The following CLIC5 variants were observed in gnomAD, a reference collection of about 807,000 sequenced individuals.
CLIC5 encodes CLIC family member 5.
A neutral mutation model predicts 24.7 loss-of-function variants in CLIC5; 20 were observed. The observed-to-expected ratio is 0.81, with a 90% CI of 0.57 to 1.18. The LOEUF (loss-of-function observed/expected upper bound fraction) is 1.18, where lower values mean the gene tolerates loss of function less well. Ranked by LOEUF, CLIC5 falls within the 50% of genes most tolerant of loss-of-function variation. The pLI, the probability that CLIC5 is intolerant of heterozygous loss-of-function variation, is 0.00. For missense variants in CLIC5, 341 were observed against 326.1 expected (o/e 1.05, Z -0.35); for synonymous variants, 159 against 135.6 (o/e 1.17, Z -1.20).
chr6:46,031,722 G>A (rs1454631488), intron 1 of CLIC5, among the ~76,000 whole-genome samples: 1 of 151,420 alleles, frequency 6.6e-6, no homozygotes, highest in Non-Finnish European at 1.5e-5. Context: ...GTACATTTTG[G>A]TGCATCCATA....
At chr6:46,002,835 G>C (rs1766410127) in intron 1 of CLIC5, among the ~76,000 whole-genome samples, 1 of 152,152 alleles carries the variant, frequency 6.6e-6, no homozygotes, top group African/African-American at 2.4e-5. Flanking sequence ...GTTGGGATCT[G>C]ACCTTGACCT....
intron 1 of CLIC5, among the ~76,000 whole-genome samples, chr6:45,971,737 C>T (rs547342311): frequency 2.6e-5 from 4 of 152,252 alleles, no homozygotes; most frequent in East Asian, 3.9e-4. Context: ...AACTAGGATT[C>T]GTAGGACAGA....
At chr6:46,080,416 A>G, upstream of CLIC5, 1 of 598,012 alleles carries the variant, frequency 1.7e-6, no homozygotes, top group Non-Finnish European at 3.0e-6. Context: ...AGAGTTTTAT[A>G]AGCAAACCAC....
intron 1 of CLIC5, among the ~76,000 whole-genome samples, chr6:46,079,303 C>T (rs763818242): frequency 3.9e-5 from 6 of 152,302 alleles, no homozygotes; most frequent in South Asian, 4.1e-4. Flanking sequence ...ACCTTAGAAG[C>T]ACAAGAAGGT....
At chr6:45,989,207 G>A (rs1343947138) in intron 1 of CLIC5, among the ~76,000 whole-genome samples, 5 of 152,176 alleles carry the variant, frequency 3.3e-5, no homozygotes, top group Non-Finnish European at 4.4e-5. Flanking sequence ...CCCCACCGAT[G>A]CTTTCCAGGT....
rs1762522282 is a variant in CLIC5 at position 45,901,970 on chromosome 6, G to T, written c.*1118C>A. 1 of 152,640 alleles carries T rather than the reference G, an allele frequency of 6.6e-6. No individual in the cohort carries two copies. Among genetic ancestry groups the T allele is most frequent in the African/African-American group, 2.4e-5 (1 of 41,424 alleles). 9.5% of individuals were successfully genotyped at this position (152,640 alleles called of 1,614,324 possible). ...ACAGTTGAATCAGGCAGGAGCAGCT[G>T]CTGGAGAGCACCCAGCCGACAGACC... On this transcript the variant is annotated 3_prime_UTR_variant, in exon 6 of 6. Coordinates refer to ENST00000339561, the MANE Select transcript of CLIC5 (RefSeq NM_016929.5).
At chr6:46,062,498 C>G (rs1055595081) in intron 1 of CLIC5, among the ~76,000 whole-genome samples, 1 of 152,206 alleles carries the variant, frequency 6.6e-6, no homozygotes, top group Non-Finnish European at 1.5e-5. Context: ...CTCTGACAGG[C>G]CCTGCCCTTC....
upstream of CLIC5, among the ~76,000 whole-genome samples, chr6:46,085,163 T>C (rs1433755954): frequency 6.6e-6 from 1 of 152,236 alleles, no homozygotes; most frequent in African/African-American, 2.4e-5. Context: ...GTTATTCTAG[T>C]TATACATTCT....
At chr6:45,912,417 C>T (rs1762854143) in intron 5 of CLIC5, 1 of 1,131,330 alleles carries the variant, frequency 8.8e-7, no homozygotes, top group South Asian at 2.4e-5. Flanking sequence ...CAGGATGAAG[C>T]CCAAGGCTTG....
chr6:45,980,265 T>C (rs1032544608), intron 1 of CLIC5, among the ~76,000 whole-genome samples: 14 of 152,292 alleles, frequency 9.2e-5, no homozygotes, highest in African/African-American at 3.1e-4. Context: ...TGTGTCTGTT[T>C]TTATGCCAGT....
intron 1 of CLIC5, 82 bp downstream of exon 1, chr6:46,015,398 G>A: frequency 7.3e-7 from 1 of 1,364,802 alleles, no homozygotes. Flanking sequence ...GGAGGGTCCG[G>A]AGTCCAGCGC....
Position 45,943,436 on chromosome 6 carries a change from G to A in CLIC5, c.300-1783C>T, listed in dbSNP as rs867614053. ...CATCTGCTGTGGCTGGGGGCACACA[G>A]CAGGGCTTCCTGCAAGATACTAGGT... On this transcript the variant is annotated intron_variant, in intron 3 of 5. Coordinates refer to ENST00000339561, the MANE Select transcript of CLIC5 (RefSeq NM_016929.5). Among the ~76,000 whole-genome samples the A allele has an allele frequency of 2.7e-4, 41 of 152,226 alleles. 1 individual carries two copies. Among genetic ancestry groups the A allele is most frequent in the African/African-American group, 7.7e-4 (32 of 41,460 alleles).
At position 46,009,998 on chromosome 6, in the gene CLIC5, T is replaced by C. The variant is rs576873128; in HGVS notation, c.63+5482A>G. 2.9e-3 allele frequency among the ~76,000 whole-genome samples: 437 copies of C among 152,230 alleles called. 1 individual carries two copies. Among genetic ancestry groups the C allele is most frequent in the African/African-American group, 9.6e-3 (400 of 41,552 alleles). On this transcript the variant is annotated intron_variant, in intron 1 of 5. Transcript: ENST00000339561. Reference sequence around the variant, plus strand: ...AGCAGTCCAGTCAGAGGCAGTCAGATCCAGTGGTGGTTGCACTGTACTTCA... The same window carrying C: ...AGCAGTCCAGTCAGAGGCAGTCAGACCCAGTGGTGGTTGCACTGTACTTCA...
rs1489302778 is a variant in CLIC5, at chr6:45,900,978, T to C, written c.*2110A>G. 6.6e-6 allele frequency: 1 copy of C among 152,238 alleles called. No individual in the cohort carries two copies. The highest frequency in any genetic ancestry group is 1.5e-5 in the Non-Finnish European group (1 of 68,054). The allele number at this position is 152,238 out of a possible 1,614,324, so 9.4% of individuals were successfully genotyped here. On this transcript the variant is annotated 3_prime_UTR_variant, in exon 6 of 6. Coordinates refer to ENST00000339561, the MANE Select transcript of CLIC5 (RefSeq NM_016929.5). ...CTGTTTTCTCTGTGGCAATTGGCTATGATTCACAGATGTGTTTCCAGAACA... is the reference window on the plus strand; with the variant it reads ...CTGTTTTCTCTGTGGCAATTGGCTACGATTCACAGATGTGTTTCCAGAACA...
chr6:45,936,306 G>A (rs1763933734), intron 4 of CLIC5, among the ~76,000 whole-genome samples: 1 of 148,462 alleles, frequency 6.7e-6, no homozygotes, highest in Non-Finnish European at 1.5e-5. Context: ...CCGGGTTCAA[G>A]TGATTCTCCT....
At chr6:45,881,168 T>G in exon 7 of CLIC5, 1 of 397,938 alleles carries the variant, frequency 2.5e-6, no homozygotes, top group East Asian at 3.6e-5. Context: ...CCATGCCCCC[T>G]TTTTTTCAAC....
upstream of CLIC5, among the ~76,000 whole-genome samples, chr6:46,082,625 C>A (rs976699942): frequency 1.3e-5 from 2 of 152,168 alleles, no homozygotes; most frequent in Non-Finnish European, 2.9e-5. Flanking sequence ...TGGCTATTCT[C>A]TCTAAGAGAA....
intron 1 of CLIC5, among the ~76,000 whole-genome samples, chr6:46,039,127 C>T (rs917720038): frequency 1.3e-5 from 2 of 152,050 alleles, no homozygotes; most frequent in Admixed American, 1.3e-4. Flanking sequence ...TAACAAAACT[C>T]TCTGTTCTTA....
chr6:46,020,848 T>A (rs117655347), upstream of CLIC5, among the ~76,000 whole-genome samples: 96 of 152,012 alleles, frequency 6.3e-4, no homozygotes, highest in East Asian at 0.017. Flanking sequence ...AGACACAGAC[T>A]AACAAAATTC....
Sources: allele counts gnomAD v4.1 joint callset (sites outside exome capture counted in the v4.1 genomes callset), GRCh38; gene constraint gnomAD v4.1.1; transcripts MANE v1.5; gene names NCBI Gene and HGNC (gene_info 2026-07-23, HGNC 2026-07-21).